PCDHA6: variants seen among roughly 807,000 people sequenced by gnomAD.
The protein encoded by PCDHA6 is protocadherin alpha 6.
In PCDHA6, 55 loss-of-function variants were observed where a neutral mutation model predicts 60.3. The ratio of observed to expected loss-of-function variants is 0.91; its 90% CI spans 0.73 to 1.14. PCDHA6 has a LOEUF of 1.14. Ranked by LOEUF, PCDHA6 falls within the 50% of genes most tolerant of loss-of-function variation. PCDHA6 has a pLI of 0.00. For missense variants in PCDHA6, 1,327 were observed against 1,256.5 expected, an observed-to-expected ratio of 1.06 and a Z score of -0.85; for synonymous variants, 652 against 557.9, an observed-to-expected ratio of 1.17 and a Z score of -2.38.
chr5:140,875,808 G>A (rs1554167962), intron 1 of PCDHA6: 1 of 1,614,226 alleles, frequency 6.2e-7, no homozygotes, highest in South Asian at 1.1e-5. Flanking sequence ...TCGTGGACAG[G>A]CCGCTGCAGG....
intron 1 of PCDHA6, among the ~76,000 whole-genome samples, chr5:140,934,534 G>GT (rs1563143363): frequency 2.6e-5 from 4 of 152,064 alleles, no homozygotes; most frequent in Non-Finnish European, 4.4e-5. Flanking sequence ...GAGAGCTACC[G>GT]TTCTAATTCT....
intron 1 of PCDHA6, among the ~76,000 whole-genome samples, chr5:140,940,595 G>A (rs1233586288): frequency 2.0e-5 from 3 of 152,100 alleles, no homozygotes; most frequent in East Asian, 1.9e-4. Context: ...TTTCAGGCAT[G>A]AGCCGCTGCT....
rs571904104 is a variant in PCDHA6, at chr5:140,891,379, AT to A, written c.2394+60897del. On this transcript the variant is annotated intron_variant, in intron 1 of 3. Transcript: ENST00000529310. ...ACCTGAGCAGTATACATTGCACCATATTTGCAATCTTTTATCCCTCGCCACC... is the reference window on the plus strand; with the variant it reads ...ACCTGAGCAGTATACATTGCACCATATTGCAATCTTTTATCCCTCGCCACC... Among the ~76,000 whole-genome samples, 7 of 151,980 alleles carry A rather than the reference AT, an allele frequency of 4.6e-5. No individual in the cohort carries two copies. In the South Asian group the frequency reaches 1.5e-3, roughly 32 times the overall value.
chr5:140,876,206 C>A, intron 1 of PCDHA6: 1 of 1,613,864 alleles, frequency 6.2e-7, no homozygotes, highest in Non-Finnish European at 8.5e-7. Flanking sequence ...TTTGATAAGC[C>A]CAGCTATAAA....
Position 140,828,537 on chromosome 5 carries a change from A to G in PCDHA6, c.446A>G (p.Asp149Gly). The G allele has an allele frequency of 6.2e-7, 1 of 1,614,236 alleles. No individual in the cohort carries two copies. The highest frequency in any genetic ancestry group is 8.5e-7 in the Non-Finnish European group (1 of 1,180,044). The change falls in exon 1 of 4, where the codon GAT becomes GGT. Residue 149 changes from aspartate to glycine, a missense_variant. Transcript: ENST00000529310. ...CTGATTTACGAATCTAGGCTGCCAG[A>G]TTCTGTGTTTCCACTGGAGGGCGCG... is the stretch of plus-strand genomic sequence containing the variant. ...RVLIYESRLP[D>G]SVFPLEGASD...
At chr5:140,983,997 G>A (rs1191316440) in intron 3 of PCDHA6, among the ~76,000 whole-genome samples, 1 of 152,194 alleles carries the variant, frequency 6.6e-6, no homozygotes, top group Non-Finnish European at 1.5e-5. Context: ...CAATTCATTA[G>A]AGAGCTAATA....
intron 1 of PCDHA6, chr5:140,967,878 A>G: frequency 6.2e-7 from 1 of 1,614,152 alleles, no homozygotes; most frequent in Non-Finnish European, 8.5e-7. Flanking sequence ...ACGGACCTGT[A>G]TAGCCCAGTG....
At chr5:140,947,769 A>T (rs2094173274) in intron 1 of PCDHA6, among the ~76,000 whole-genome samples, 1 of 151,626 alleles carries the variant, frequency 6.6e-6, no homozygotes, top group Non-Finnish European at 1.5e-5. Context: ...AAAAAATTCT[A>T]TTGTAAATGG....
chr5:140,869,838 A>G, intron 1 of PCDHA6: 6 of 1,611,734 alleles, frequency 3.7e-6, no homozygotes, highest in Non-Finnish European at 5.1e-6. Context: ...TTGATAAATC[A>G]GAATATAAGG....
intron 1 of PCDHA6, chr5:140,871,653 C>T: frequency 1.6e-6 from 2 of 1,244,250 alleles, no homozygotes; most frequent in Non-Finnish European, 2.2e-6. Flanking sequence ...CCAAATGATA[C>T]ACATCTTCAG....
intron 1 of PCDHA6, chr5:140,967,680 G>C (rs1554229771): frequency 6.2e-7 from 1 of 1,614,228 alleles, no homozygotes; most frequent in South Asian, 1.1e-5. Context: ...GACCGGGAGA[G>C]GCAGCTCTTC....
chr5:140,849,758 C>A (rs2150448460), intron 1 of PCDHA6: 1 of 1,598,492 alleles, frequency 6.3e-7, no homozygotes, highest in Non-Finnish European at 8.6e-7. Context: ...TGTCCGCCTA[C>A]GAGCTGGTGG....
intron 1 of PCDHA6, chr5:140,861,087 C>T (rs1554154139): frequency 6.6e-6 from 1 of 152,266 alleles, no homozygotes; most frequent in African/African-American, 2.4e-5. Flanking sequence ...AAAGAAGCTC[C>T]ATTGTTCCTG....
intron 1 of PCDHA6, chr5:140,834,138 ATAGT>A (rs1772812314): frequency 2.0e-6 from 1 of 499,248 alleles, no homozygotes; most frequent in Non-Finnish European, 3.5e-6. Context: ...CATCTGATTA[ATAGT>A]TTGTAATGGT....
intron 1 of PCDHA6, chr5:140,869,810 A>G: frequency 6.2e-7 from 1 of 1,612,624 alleles, no homozygotes; most frequent in South Asian, 1.1e-5. Context: ...TTGGATGTCA[A>G]CGACAATGAT....
At chr5:140,918,793 A>G (rs155800) in intron 1 of PCDHA6, among the ~76,000 whole-genome samples, 49,687 of 146,416 alleles carry the variant, frequency 0.34, 8,402 homozygotes, top group East Asian at 0.54. Context: ...GACACAGCAA[A>G]AATGTGACAT....
chr5:140,956,259 A>G (rs534711265), intron 1 of PCDHA6, among the ~76,000 whole-genome samples: 1 of 152,252 alleles, frequency 6.6e-6, no homozygotes, highest in African/African-American at 2.4e-5. Flanking sequence ...GGTTTTGCCC[A>G]TTCAGTGTGG....
In PCDHA6 at chr5:141,010,017, T is replaced by C; in HGVS notation, c.*80T>C. 1.3e-6 allele frequency: 2 copies of C among 1,571,154 alleles called. No individual in the cohort carries two copies. Among genetic ancestry groups the C allele is most frequent in the Non-Finnish European group, 1.7e-6 (2 of 1,162,678 alleles). On this transcript the variant is annotated 3_prime_UTR_variant, in exon 4 of 4. Transcript: ENST00000529310. ...CTCCCATGTAGCAATTCCCTGCTCC[T>C]TTTTCCTATCTACATGAGCCCTCTT...
chr5:140,903,987 C>A (rs1324981597), intron 1 of PCDHA6, among the ~76,000 whole-genome samples: 1 of 152,146 alleles, frequency 6.6e-6, no homozygotes, highest in Non-Finnish European at 1.5e-5. Flanking sequence ...CACAATGTAA[C>A]AGCTACAAAT....
Sources: gnomAD v4.1 joint callset for allele counts (sites outside exome capture counted in the v4.1 genomes callset) on GRCh38, gnomAD v4.1.1 for gene constraint, MANE v1.5 for transcripts, NCBI Gene and HGNC (gene_info 2026-07-23, HGNC 2026-07-21) for gene names.